The following ATP11A variants were observed in gnomAD, a reference collection of about 807,000 sequenced individuals.
The protein encoded by ATP11A is ATPase phospholipid transporting 11A, also known as phospholipid-transporting ATPase IH.
A neutral mutation model predicts 154.4 loss-of-function variants in ATP11A; 81 were observed. The ratio of observed to expected loss-of-function variants is 0.52; its 90% confidence interval spans 0.44 to 0.63. ATP11A has a LOEUF of 0.63. Among genes scored for constraint, ATP11A ranks in the 30% least tolerant of loss-of-function variants. The pLI is 0.00. For missense variants in ATP11A, 1,316 were observed against 1,474.3 expected (o/e 0.89, Z 1.76); for synonymous variants, 623 against 585.9 (o/e 1.06, Z -0.91).
At chr13:112,817,991 C>T (rs1157696208) in intron 6 of ATP11A, among the ~76,000 whole-genome samples, 1 of 152,264 alleles carries the variant, frequency 6.6e-6, no homozygotes. Context: ...GGGGACAACC[C>T]TATCTCTCAG....
chr13:112,833,390 G>C (rs939679027), intron 14 of ATP11A, among the ~76,000 whole-genome samples: 2 of 152,162 alleles, frequency 1.3e-5, no homozygotes, highest in African/African-American at 4.8e-5. Flanking sequence ...AAGCCCAGAG[G>C]CCCAGCGGCC....
chr13:112,801,716 T>C (rs1187646618), intron 2 of ATP11A, among the ~76,000 whole-genome samples: 1 of 152,226 alleles, frequency 6.6e-6, no homozygotes, highest in Non-Finnish European at 1.5e-5. Flanking sequence ...TACACAGGTA[T>C]AAATCTAACA....
intron 1 of ATP11A, among the ~76,000 whole-genome samples, chr13:112,778,655 C>T (rs963105480): frequency 1.0e-4 from 15 of 147,936 alleles, no homozygotes; most frequent in African/African-American, 3.1e-4. Flanking sequence ...GAGGAGTAGC[C>T]GCTGGAGTGA....
chr13:112,750,462 T>C lies in ATP11A; in HGVS notation c.40-34673T>C, dbSNP rs385260. 7.8e-3 allele frequency among the ~76,000 whole-genome samples: 486 copies of C among 62,164 alleles called. 6 individuals carry two copies. The highest frequency in any genetic ancestry group is 0.029 in the Middle Eastern group (2 of 68). 40.8% of individuals were successfully genotyped at this position (62,164 alleles called of 152,430 possible). Reference sequence around the variant, plus strand: ...GCTGAAGGACGCGGGGTTGAATCCCTCTTCAGCCTCTCGTGAATTTCTGTC... The same window carrying C: ...GCTGAAGGACGCGGGGTTGAATCCCCCTTCAGCCTCTCGTGAATTTCTGTC... On this transcript the variant is annotated intron_variant, in intron 1 of 29. Transcript: ENST00000375645.
intron 1 of ATP11A, among the ~76,000 whole-genome samples, chr13:112,777,460 A>T (rs1468187850): frequency 6.6e-6 from 1 of 152,158 alleles, no homozygotes; most frequent in Non-Finnish European, 1.5e-5. Context: ...GCTACTTGGG[A>T]GGCTGAGGCA....
intron 1 of ATP11A, among the ~76,000 whole-genome samples, chr13:112,780,522 T>G (rs932673938): frequency 1.3e-5 from 2 of 152,226 alleles, no homozygotes; most frequent in Non-Finnish European, 2.9e-5. Flanking sequence ...GTGTATCCCT[T>G]CATCAGTGGA....
At chr13:112,755,822 G>A in intron 1 of ATP11A, among the ~76,000 whole-genome samples, 1 of 109,814 alleles carries the variant, frequency 9.1e-6, no homozygotes, top group South Asian at 3.0e-4. Flanking sequence ...ACCATTTCCC[G>A]TCACGGAAGC....
At position 112,799,681 on chromosome 13, in the gene ATP11A, T is replaced by G. The variant is rs182486635; in HGVS notation, c.163-5276T>G. Among the ~76,000 whole-genome samples the G allele has an allele frequency of 1.6e-4, 25 of 152,342 alleles. No homozygotes were observed. The East Asian group carries it at 4.6e-3, about 28-fold the overall frequency. On this transcript the variant is annotated intron_variant, in intron 2 of 29. Transcript: ENST00000375645. ...ATATGTGCAGGTCACAGGCTTAGCT[T>G]GGGCTCAGAGGCCTCACAATTTATA...
At chr13:112,707,432 AAAGAAG>A (rs1327070833) in intron 1 of ATP11A, among the ~76,000 whole-genome samples, 1 of 151,038 alleles carries the variant, frequency 6.6e-6, no homozygotes, top group Admixed American at 6.6e-5. Flanking sequence ...AAAAAAAAAA[AAAGAAG>A]AAGAAGTTTT....
chr13:112,711,136 C>G (rs941351361), intron 1 of ATP11A, among the ~76,000 whole-genome samples: 1 of 152,186 alleles, frequency 6.6e-6, no homozygotes, highest in Non-Finnish European at 1.5e-5. Flanking sequence ...CACTTTACCA[C>G]GAGGCAGCTG....
In ATP11A at chr13:112,826,883, C is replaced by G; in HGVS notation, c.1213C>G (p.Leu405Val). The change falls in exon 12 of 30, where the codon CTG becomes GTG. Residue 405 changes from leucine to valine, a missense_variant. This residue lies in a region of ATP11A where 876 missense variants were observed against 1,006.8 expected (regional missense o/e 0.87). Transcript: ENST00000375645. Reference sequence around the variant, plus strand: ...GAACACGTCGGACCTCAATGAAGAGCTGGGACAGGTTGGTGTCTCCTGAGT... The same window carrying G: ...GAACACGTCGGACCTCAATGAAGAGGTGGGACAGGTTGGTGTCTCCTGAGT... The part of the protein sequence containing the change: ...LVNTSDLNEE[L>V]GQVEYIFTDK... 6.2e-7 allele frequency: 1 copy of G among 1,614,166 alleles called. No individual in the cohort carries two copies. Among genetic ancestry groups the G allele is most frequent in the Non-Finnish European group, 8.5e-7 (1 of 1,180,036 alleles).
At chr13:112,808,286 ATGT>A (rs1345603567) in intron 4 of ATP11A, among the ~76,000 whole-genome samples, 1 of 151,296 alleles carries the variant, frequency 6.6e-6, no homozygotes, top group Admixed American at 6.6e-5. Context: ...CGTTTTGGGG[ATGT>A]TAAGAGGGGG....
intron 2 of ATP11A, among the ~76,000 whole-genome samples, chr13:112,792,989 GT>G (rs1188094118): frequency 3.9e-5 from 6 of 152,174 alleles, no homozygotes; most frequent in Non-Finnish European, 8.8e-5. Context: ...TATAGCCAGT[GT>G]TTTCATGACT....
intron 8 of ATP11A, among the ~76,000 whole-genome samples, chr13:112,820,847 A>G (rs1654620784): frequency 6.6e-6 from 1 of 152,238 alleles, no homozygotes; most frequent in South Asian, 2.1e-4. Context: ...TGTGTTAAAC[A>G]ACACATCTCC....
intron 1 of ATP11A, among the ~76,000 whole-genome samples, chr13:112,732,889 A>G (rs1890638444): frequency 6.6e-6 from 1 of 152,200 alleles, no homozygotes; most frequent in Non-Finnish European, 1.5e-5. Context: ...CTGTGATTAC[A>G]GGTGTGAGTC....
intron 16 of ATP11A, among the ~76,000 whole-genome samples, 183 bp from the exon 17 acceptor site, chr13:112,842,093 T>C (rs1300445758): frequency 6.6e-6 from 1 of 152,258 alleles, no homozygotes; most frequent in African/African-American, 2.4e-5. Flanking sequence ...AAACGAGGCT[T>C]TGGAGGTTAT....
intron 1 of ATP11A, among the ~76,000 whole-genome samples, chr13:112,700,270 C>T (rs1247310984): frequency 3.9e-5 from 6 of 152,098 alleles, no homozygotes; most frequent in Non-Finnish European, 7.4e-5. Context: ...GCGTGCCCAC[C>T]CCCAATACGG....
chr13:112,854,540 G>A lies in ATP11A; in HGVS notation c.2243+10G>A, dbSNP rs369181212. The stretch of plus-strand genomic sequence containing the variant: ...GAGACAACCTGTCCGGGTAGGCAGC[G>A]CGTCCCCGCCCCCACCCCCACACTC... On this transcript the variant is annotated intron_variant, in intron 19 of 29. Coordinates refer to ENST00000375645, the MANE Select transcript of ATP11A (RefSeq NM_015205.3). The A allele has an allele frequency of 1.4e-5, 22 of 1,601,034 alleles. No individual in the cohort carries two copies. Among genetic ancestry groups the A allele is most frequent in the African/African-American group, 6.7e-5 (5 of 74,800 alleles).
At chr13:112,829,166 G>C (rs924897676) in intron 12 of ATP11A, among the ~76,000 whole-genome samples, 2 of 152,180 alleles carry the variant, frequency 1.3e-5, no homozygotes, top group African/African-American at 4.8e-5. Flanking sequence ...TCTTGCTTCA[G>C]GCCAAGTTAG....
Sources: gnomAD v4.1 joint callset for allele counts (sites outside exome capture counted in the v4.1 genomes callset) on GRCh38, gnomAD v4.1.1 for gene constraint, gnomAD v4.1.1 regional missense constraint, MANE v1.5 for transcripts, NCBI Gene and HGNC (gene_info 2026-07-23, HGNC 2026-07-21) for gene names.